The following VPS13B variants were observed in gnomAD, a reference collection of about 807,000 sequenced individuals.
VPS13B encodes vacuolar protein sorting 13 homolog B.
A neutral mutation model predicts 426.4 loss-of-function variants in VPS13B; 285 were observed. That is an observed-to-expected ratio of 0.67 (90% CI 0.61 to 0.74). The LOEUF (loss-of-function observed/expected upper bound fraction) is 0.74. Ranked by LOEUF, VPS13B falls within the 30% of genes least tolerant of loss-of-function variation. VPS13B has a pLI of 0.00. For missense variants in VPS13B, 4,537 were observed against 4,782.6 expected, an observed-to-expected ratio of 0.95 and a Z score of 1.51; for synonymous variants, 1,676 against 1,676.4, an observed-to-expected ratio of 1.00 and a Z score of 0.01.
At chr8:99,347,113 T>C (rs1811583090) in intron 19 of VPS13B, 1 of 152,606 alleles carries the variant, frequency 6.6e-6, no homozygotes, top group Non-Finnish European at 1.5e-5. Flanking sequence ...TTAGTGTAGA[T>C]CTGCTTAGAT....
chr8:99,737,058 G>T (rs1588667846), intron 39 of VPS13B, among the ~76,000 whole-genome samples: 1 of 116,990 alleles, frequency 8.5e-6, no homozygotes, highest in African/African-American at 3.3e-5. Context: ...GAAAAATTCT[G>T]TCCTATTGAA....
intron 36 of VPS13B, among the ~76,000 whole-genome samples, chr8:99,707,262 C>T (rs1271584706): frequency 6.6e-6 from 1 of 152,134 alleles, no homozygotes; most frequent in South Asian, 2.1e-4. Flanking sequence ...TCAAAAGTTA[C>T]TCTGTAGTGC....
chr8:99,449,397 G>T (rs1484867297), intron 23 of VPS13B, among the ~76,000 whole-genome samples: 1 of 152,178 alleles, frequency 6.6e-6, no homozygotes, highest in Non-Finnish European at 1.5e-5. Flanking sequence ...GGACATTTAA[G>T]TAAATAAATC....
intron 33 of VPS13B, among the ~76,000 whole-genome samples, chr8:99,606,266 C>T (rs1390919000): frequency 6.6e-6 from 1 of 152,026 alleles, no homozygotes; most frequent in African/African-American, 2.4e-5. Flanking sequence ...ACTGACATTA[C>T]TATTATATTC....
chr8:99,628,335 A>G (rs1828699760), intron 33 of VPS13B, among the ~76,000 whole-genome samples: 1 of 152,130 alleles, frequency 6.6e-6, no homozygotes, highest in Non-Finnish European at 1.5e-5. Flanking sequence ...TTTAAAGTAC[A>G]TTCATGTATT....
intron 33 of VPS13B, among the ~76,000 whole-genome samples, chr8:99,637,868 A>G (rs1356680264): frequency 2.0e-5 from 3 of 152,176 alleles, no homozygotes; most frequent in East Asian, 3.8e-4. Flanking sequence ...GAATGAAAAT[A>G]GCTTATAAAG....
At chr8:99,443,818 C>A (rs889566107) in intron 23 of VPS13B, among the ~76,000 whole-genome samples, 2 of 151,934 alleles carry the variant, frequency 1.3e-5, no homozygotes, top group African/African-American at 2.4e-5. Context: ...GTTTTAATTT[C>A]TTTTAGCTAT....
intron 48 of VPS13B, 113 bp downstream of exon 48, chr8:99,819,695 A>G: frequency 7.7e-7 from 1 of 1,292,608 alleles, no homozygotes; most frequent in South Asian, 1.3e-5. Context: ...TCAGATTCTT[A>G]CCTTTTATCA....
chr8:99,225,882 A>G (rs1265461752), intron 17 of VPS13B, among the ~76,000 whole-genome samples: 1 of 152,192 alleles, frequency 6.6e-6, no homozygotes, highest in Non-Finnish European at 1.5e-5. Context: ...CCATGTTAGT[A>G]CATGATCATT....
chr8:99,229,186 T>C (rs925218404), intron 17 of VPS13B, among the ~76,000 whole-genome samples: 2 of 152,092 alleles, frequency 1.3e-5, no homozygotes, highest in Admixed American at 6.5e-5. Context: ...AGTCATCACA[T>C]TGTGAAGCTG....
chr8:99,350,274 C>T (rs1811805667), intron 19 of VPS13B, among the ~76,000 whole-genome samples: 3 of 152,078 alleles, frequency 2.0e-5, no homozygotes, highest in Admixed American at 2.0e-4. Context: ...TCTGTGGAGA[C>T]TTGTGTTCCG....
intron 12 of VPS13B, among the ~76,000 whole-genome samples, chr8:99,139,206 G>A (rs1437949408): frequency 6.6e-6 from 1 of 152,072 alleles, no homozygotes; most frequent in Non-Finnish European, 1.5e-5. Flanking sequence ...AGCCTCCTAT[G>A]TGTTTCTTTT....
At chr8:99,091,887 C>T (rs535198836) in intron 3 of VPS13B, 4 of 152,286 alleles carry the variant, frequency 2.6e-5, no homozygotes, top group South Asian at 2.1e-4. Flanking sequence ...AAGTTTGGTG[C>T]CACAGGGTTG....
At chr8:99,130,187 G>A (rs949764041) in intron 8 of VPS13B, among the ~76,000 whole-genome samples, 22 of 152,082 alleles carry the variant, frequency 1.4e-4, no homozygotes, top group Admixed American at 1.2e-3. Flanking sequence ...TATTAAGGAG[G>A]AAAGCATTAG....
intron 16 of VPS13B, among the ~76,000 whole-genome samples, chr8:99,190,394 G>A (rs1236679026): frequency 6.6e-6 from 1 of 151,338 alleles, no homozygotes; most frequent in African/African-American, 2.4e-5. Flanking sequence ...GGTATGCTTA[G>A]ACGTTTGAGA....
intron 33 of VPS13B, among the ~76,000 whole-genome samples, chr8:99,631,372 C>T (rs757740506): frequency 1.3e-5 from 2 of 151,998 alleles, no homozygotes; most frequent in African/African-American, 2.4e-5. Context: ...GAATGGTTCT[C>T]GGCTGATTAA....
chr8:99,200,253 A>G (rs1440474497), intron 17 of VPS13B, among the ~76,000 whole-genome samples: 1 of 152,162 alleles, frequency 6.6e-6, no homozygotes, highest in African/African-American at 2.4e-5. Flanking sequence ...TTATTGCCAA[A>G]TAGTATTCCA....
At chr8:99,418,461 T>TTCTTTC (rs958444769) in intron 21 of VPS13B, among the ~76,000 whole-genome samples, 1 of 80,128 alleles carries the variant, frequency 1.2e-5, no homozygotes, top group Non-Finnish European at 2.7e-5. Flanking sequence ...ATAGTTTTCT[T>TTCTTTC]TCTTTCTTTC....
At chr8:99,835,409 G>A in intron 53 of VPS13B, 85 bp downstream of exon 53, 1 of 1,511,960 alleles carries the variant, frequency 6.6e-7, no homozygotes, top group Non-Finnish European at 9.1e-7. Context: ...CTGTGATCCT[G>A]TGAAAAAAAT....
Sources: gnomAD v4.1 joint callset for allele counts (sites outside exome capture counted in the v4.1 genomes callset) on GRCh38, gnomAD v4.1.1 for gene constraint, MANE v1.5 for transcripts, NCBI Gene and HGNC (gene_info 2026-07-23, HGNC 2026-07-21) for gene names.